The following LRRTM4 variants were observed in gnomAD, a reference collection of about 807,000 sequenced individuals.
The protein encoded by LRRTM4 is leucine-rich repeat transmembrane neuronal protein 4.
A neutral mutation model predicts 47.6 loss-of-function variants in LRRTM4; 25 were observed. That is an observed-to-expected ratio of 0.53 (90% CI 0.38 to 0.73). The LOEUF (loss-of-function observed/expected upper bound fraction) is 0.73, where lower values mean the gene tolerates loss of function less well. Among genes scored for constraint, LRRTM4 ranks in the 30% least tolerant of loss-of-function variants. LRRTM4 has a pLI of 0.00. For missense variants in LRRTM4, 638 were observed against 713.4 expected (o/e 0.89, Z 1.20); for synonymous variants, 311 against 269.5 (o/e 1.15, Z -1.51).
At chr2:77,003,259 ATTTTAC>A (rs1040518905) in intron 3 of LRRTM4, among the ~76,000 whole-genome samples, 2 of 151,310 alleles carry the variant, frequency 1.3e-5, no homozygotes, top group Non-Finnish European at 2.9e-5. Flanking sequence ...TATAGATTCT[ATTTTAC>A]TTTTATTTGC....
At chr2:77,130,202 T>A (rs1005141337) in intron 3 of LRRTM4, among the ~76,000 whole-genome samples, 15 of 152,166 alleles carry the variant, frequency 9.9e-5, no homozygotes, top group African/African-American at 3.4e-4. Context: ...GAGAAAAACA[T>A]TGAACTTCAC....
At position 77,338,910 on chromosome 2, in the gene LRRTM4, T is replaced by A. The variant is rs187794847; in HGVS notation, c.1551+179408A>T. Among the ~76,000 whole-genome samples, 10 of 152,042 alleles carry A rather than the reference T, an allele frequency of 6.6e-5. No homozygotes were observed. The East Asian group carries it at 1.9e-3, about 29-fold the overall frequency. On this transcript the variant is annotated intron_variant, in intron 3 of 3. Coordinates refer to ENST00000409884, the MANE Select transcript of LRRTM4 (RefSeq NM_001134745.3). ...GTGCTACATATTATACCATGGAATGTCATGCAGCCATAAAAAGAACAAAAT... is the reference window on the plus strand; with the variant it reads ...GTGCTACATATTATACCATGGAATGACATGCAGCCATAAAAAGAACAAAAT...
At chr2:77,039,866 G>C (rs1316331807) in intron 3 of LRRTM4, among the ~76,000 whole-genome samples, 1 of 150,878 alleles carries the variant, frequency 6.6e-6, no homozygotes, top group Non-Finnish European at 1.5e-5. Flanking sequence ...TATTTTAATA[G>C]AATAATATTG....
intron 3 of LRRTM4, among the ~76,000 whole-genome samples, chr2:77,335,672 T>C (rs73941212): frequency 0.075 from 11,347 of 152,232 alleles, 700 homozygotes; most frequent in East Asian, 0.17. Context: ...ATAATTATTG[T>C]TCTTGGAGCT....
intron 3 of LRRTM4, among the ~76,000 whole-genome samples, chr2:76,785,833 G>A (rs768298168): frequency 3.9e-5 from 6 of 152,082 alleles, no homozygotes; most frequent in Admixed American, 6.6e-5. Context: ...ATAAAGATGG[G>A]TATTTTAAAA....
intron 3 of LRRTM4, among the ~76,000 whole-genome samples, chr2:76,806,227 C>A (rs778294587): frequency 6.6e-6 from 1 of 152,078 alleles, no homozygotes; most frequent in South Asian, 2.1e-4. Flanking sequence ...AAAGTGGAAC[C>A]TACCTTAAAC....
chr2:76,755,301 T>A (rs193278963), intron 3 of LRRTM4, among the ~76,000 whole-genome samples: 1 of 152,264 alleles, frequency 6.6e-6, no homozygotes, highest in African/African-American at 2.4e-5. Flanking sequence ...AAATTGATTA[T>A]TCTGATGACT....
At chr2:77,480,793 T>C in intron 3 of LRRTM4, among the ~76,000 whole-genome samples, 1 of 127,416 alleles carries the variant, frequency 7.8e-6, no homozygotes, top group East Asian at 2.8e-4. Context: ...GGAGTGTGTG[T>C]GTGTGTGTGT....
At chr2:77,185,499 T>A (rs76167775) in intron 3 of LRRTM4, among the ~76,000 whole-genome samples, 9,221 of 152,156 alleles carry the variant, frequency 0.061, 638 homozygotes, top group African/African-American at 0.17. Flanking sequence ...GTATAATTTA[T>A]ATTTTACTTT....
In LRRTM4 at chr2:76,974,213, C is replaced by CACATAT. The variant is rs1676333726; in HGVS notation, c.1552-225298_1552-225297insATATGT. On this transcript the variant is annotated intron_variant, in intron 3 of 3. Coordinates refer to ENST00000409884, the MANE Select transcript of LRRTM4 (RefSeq NM_001134745.3). Reference sequence around the variant, plus strand: ...ATATATATACATATATATATATACACATATATATACATACATATATATATA... The same window carrying CACATAT: ...ATATATATACATATATATATATACACACATATATATATATACATACATATATATATA... Among the ~76,000 whole-genome samples, 4 of 126,424 alleles carry CACATAT rather than the reference C, an allele frequency of 3.2e-5. No individual in the cohort carries two copies. The South Asian group carries it at 9.0e-4, about 29-fold the overall frequency. The allele number at this position is 126,424 out of a possible 152,430, so 82.9% of individuals were successfully genotyped here.
At chr2:76,862,286 G>A (rs1041497849) in intron 3 of LRRTM4, among the ~76,000 whole-genome samples, 2 of 152,106 alleles carry the variant, frequency 1.3e-5, no homozygotes, top group African/African-American at 4.8e-5. Context: ...TCAGGTGACA[G>A]CCTGTTCTAA....
At chr2:76,988,372 G>A (rs1434223134) in intron 3 of LRRTM4, among the ~76,000 whole-genome samples, 2 of 151,864 alleles carry the variant, frequency 1.3e-5, no homozygotes, top group South Asian at 2.1e-4. Context: ...AACCTAAATC[G>A]GGGCATTGAG....
At chr2:77,103,250 A>G (rs1671004285) in intron 3 of LRRTM4, among the ~76,000 whole-genome samples, 1 of 152,206 alleles carries the variant, frequency 6.6e-6, no homozygotes, top group Admixed American at 6.5e-5. Context: ...GAAGGAAAAT[A>G]CCAATAAAAA....
chr2:77,342,245 G>C (rs1019334112), intron 3 of LRRTM4, among the ~76,000 whole-genome samples: 2 of 151,910 alleles, frequency 1.3e-5, no homozygotes, highest in Non-Finnish European at 1.5e-5. Flanking sequence ...ATACGTCAGT[G>C]GTTTTCAACC....
At chr2:76,969,753 C>T (rs1676156058) in intron 3 of LRRTM4, among the ~76,000 whole-genome samples, 1 of 151,910 alleles carries the variant, frequency 6.6e-6, no homozygotes, top group Non-Finnish European at 1.5e-5. Flanking sequence ...AAATATATCA[C>T]GTACTATTTG....
intron 3 of LRRTM4, among the ~76,000 whole-genome samples, chr2:77,032,368 T>C (rs1678690472): frequency 6.6e-6 from 1 of 152,150 alleles, no homozygotes; most frequent in South Asian, 2.1e-4. Context: ...TTAATTTTCC[T>C]GTTTTCCTCA....
At chr2:77,096,053 C>T (rs1229050315) in intron 3 of LRRTM4, among the ~76,000 whole-genome samples, 1 of 151,826 alleles carries the variant, frequency 6.6e-6, no homozygotes, top group East Asian at 1.9e-4. Flanking sequence ...AAATAAGTGG[C>T]AGAGGAGATG....
At chr2:76,941,281 A>G (rs1400666676) in intron 3 of LRRTM4, among the ~76,000 whole-genome samples, 1 of 152,196 alleles carries the variant, frequency 6.6e-6, no homozygotes, top group Non-Finnish European at 1.5e-5. Context: ...TTCCCAGGCA[A>G]AAAGTTGCTG....
intron 3 of LRRTM4, among the ~76,000 whole-genome samples, chr2:77,182,650 C>T (rs2103859784): frequency 6.6e-6 from 1 of 152,198 alleles, no homozygotes; most frequent in East Asian, 1.9e-4. Context: ...ATTTGACTTC[C>T]TCTTTTTCTA....
Sources: gnomAD v4.1 joint callset for allele counts (sites outside exome capture counted in the v4.1 genomes callset) on GRCh38, gnomAD v4.1.1 for gene constraint, MANE v1.5 for transcripts, NCBI Gene and HGNC (gene_info 2026-07-23, HGNC 2026-07-21) for gene names.